STT3B: variants seen among roughly 807,000 people sequenced by gnomAD.
STT3B encodes the protein STT3 oligosaccharyltransferase complex catalytic subunit B, also known as dolichyl-diphosphooligosaccharide--protein glycosyltransferase subunit STT3B.
In STT3B, 29 loss-of-function variants were observed where a neutral mutation model predicts 96.8. That is an observed-to-expected ratio of 0.30 (90% CI 0.22 to 0.41). The LOEUF (loss-of-function observed/expected upper bound fraction) is 0.41. STT3B is among the 10% of genes least tolerant of loss of function. STT3B has a pLI of 1.00. For missense variants in STT3B, 640 were observed against 1,022.3 expected, an observed-to-expected ratio of 0.63 and a Z score of 5.10; for synonymous variants, 367 against 360.0, an observed-to-expected ratio of 1.02 and a Z score of -0.22.
intron 5 of STT3B, among the ~76,000 whole-genome samples, chr3:31,607,502 C>T (rs1275154643): frequency 3.3e-5 from 5 of 152,054 alleles, no homozygotes; most frequent in African/African-American, 9.7e-5. Context: ...AAACTCCTTT[C>T]GCTTGGTTTT....
chr3:31,548,497 A>G (rs1697470997), intron 1 of STT3B, among the ~76,000 whole-genome samples: 2 of 152,178 alleles, frequency 1.3e-5, no homozygotes, highest in Admixed American at 1.3e-4. Context: ...AAAATAGAGT[A>G]TACCAAACAT....
chr3:31,575,699 C>T (rs1379845446), intron 1 of STT3B, among the ~76,000 whole-genome samples: 1 of 152,066 alleles, frequency 6.6e-6, no homozygotes, highest in Non-Finnish European at 1.5e-5. Flanking sequence ...CTGATGCCCA[C>T]TTCCCTGCTT....
chr3:31,548,469 A>G, intron 1 of STT3B, among the ~76,000 whole-genome samples: 1 of 152,170 alleles, frequency 6.6e-6, no homozygotes, highest in Admixed American at 6.6e-5. Context: ...TAACATTTGT[A>G]TTCTCAAAAT....
chr3:31,534,899 G>A (rs894114801), intron 1 of STT3B, among the ~76,000 whole-genome samples: 6 of 152,110 alleles, frequency 3.9e-5, no homozygotes, highest in Non-Finnish European at 7.4e-5. Flanking sequence ...GAATACCTGT[G>A]AAGGCTTATT....
At chr3:31,613,619 ATCT>A (rs1699234198) in intron 5 of STT3B, among the ~76,000 whole-genome samples, 1 of 151,644 alleles carries the variant, frequency 6.6e-6, no homozygotes, top group African/African-American at 2.4e-5. Context: ...TTACATAGTG[ATCT>A]TCTTCTCAGT....
chr3:31,550,006 A>T (rs1433726100), intron 1 of STT3B, among the ~76,000 whole-genome samples: 1 of 152,140 alleles, frequency 6.6e-6, no homozygotes, highest in Non-Finnish European at 1.5e-5. Flanking sequence ...TGCCATTAAA[A>T]TGCTCTAACA....
intron 1 of STT3B, among the ~76,000 whole-genome samples, chr3:31,559,076 T>A (rs1697794084): frequency 6.6e-6 from 1 of 151,056 alleles, no homozygotes; most frequent in Admixed American, 6.6e-5. Context: ...AGGAAGTGCC[T>A]TATTGGTTTT....
rs754395095 is a variant in STT3B, at chr3:31,618,001, A to T, written c.1172+13A>T. On this transcript the variant is annotated intron_variant, in intron 8 of 15. Coordinates refer to ENST00000295770, the MANE Select transcript of STT3B (RefSeq NM_178862.3). Reference sequence around the variant, plus strand: ...TGTGGGATACTGGGTAAGTACAGTTACATTATTTGGCATCATATTTATTGA... The same window carrying T: ...TGTGGGATACTGGGTAAGTACAGTTTCATTATTTGGCATCATATTTATTGA... 1 of 1,556,246 alleles carries T rather than the reference A, an allele frequency of 6.4e-7. No homozygotes were observed. Among genetic ancestry groups the T allele is most frequent in the Non-Finnish European group, 8.9e-7 (1 of 1,128,274 alleles).
intron 1 of STT3B, among the ~76,000 whole-genome samples, chr3:31,543,143 C>CT (rs1553601799): frequency 2.7e-5 from 4 of 150,896 alleles, no homozygotes; most frequent in Non-Finnish European, 5.9e-5. Context: ...TCATCTGTGT[C>CT]TTACGTGAGA....
At chr3:31,611,317 T>G (rs1699175038) in intron 5 of STT3B, among the ~76,000 whole-genome samples, 1 of 152,214 alleles carries the variant, frequency 6.6e-6, no homozygotes, top group Non-Finnish European at 1.5e-5. Flanking sequence ...TTTTTAGCAA[T>G]TTATCTGACT....
At chr3:31,632,054 C>T (rs1699673746) in intron 14 of STT3B, among the ~76,000 whole-genome samples, 1 of 151,770 alleles carries the variant, frequency 6.6e-6, no homozygotes, top group Non-Finnish European at 1.5e-5. Context: ...CAAGATCTTG[C>T]TATGTTGCCC....
At chr3:31,579,731 A>T in intron 2 of STT3B, 78 bp from the exon 3 acceptor site, 3 of 653,668 alleles carry the variant, frequency 4.6e-6, no homozygotes, top group Non-Finnish European at 6.2e-6. Context: ...AACAAAATGT[A>T]ATGATGAAGA....
intron 1 of STT3B, among the ~76,000 whole-genome samples, chr3:31,568,181 G>T (rs1390807142): frequency 6.6e-6 from 1 of 152,058 alleles, no homozygotes; most frequent in African/African-American, 2.4e-5. Flanking sequence ...TGTTGTAAAT[G>T]ACTGAGTCTC....
chr3:31,544,307 G>C (rs1697350326), intron 1 of STT3B, among the ~76,000 whole-genome samples: 2 of 152,196 alleles, frequency 1.3e-5, no homozygotes, highest in Admixed American at 1.3e-4. Context: ...ACTCATTAGG[G>C]ATAAAATAAG....
At chr3:31,542,336 G>A (rs547364194) in intron 1 of STT3B, among the ~76,000 whole-genome samples, 1 of 152,296 alleles carries the variant, frequency 6.6e-6, no homozygotes, top group South Asian at 2.1e-4. Flanking sequence ...GAGGAATTTA[G>A]GAAAACCCTG....
intron 13 of STT3B, among the ~76,000 whole-genome samples, chr3:31,628,774 C>T (rs1699589465): frequency 6.6e-6 from 1 of 152,096 alleles, no homozygotes; most frequent in Admixed American, 6.5e-5. Context: ...ATTGAGAGAG[C>T]CAGCCTTACC....
At chr3:31,541,922 G>T (rs1350162124) in intron 1 of STT3B, among the ~76,000 whole-genome samples, 1 of 152,150 alleles carries the variant, frequency 6.6e-6, no homozygotes, top group Non-Finnish European at 1.5e-5. Context: ...ACCTGACGGG[G>T]TTGCCTGTTC....
intron 14 of STT3B, among the ~76,000 whole-genome samples, chr3:31,630,427 TC>T (rs1400291209): frequency 2.6e-5 from 4 of 152,180 alleles, no homozygotes; most frequent in Non-Finnish European, 5.9e-5. Flanking sequence ...CTTTGTCCTT[TC>T]TCCACAAATG....
intron 1 of STT3B, among the ~76,000 whole-genome samples, chr3:31,534,172 T>C (rs757009300): frequency 3.9e-5 from 6 of 152,186 alleles, no homozygotes; most frequent in Non-Finnish European, 7.4e-5. Context: ...CCTTTATTGG[T>C]CTGCAGGAAG....
Sources: gnomAD v4.1 joint callset for allele counts (sites outside exome capture counted in the v4.1 genomes callset) on GRCh38, gnomAD v4.1.1 for gene constraint, MANE v1.5 for transcripts, NCBI Gene and HGNC (gene_info 2026-07-23, HGNC 2026-07-21) for gene names.